Variants in BTD observed in about 807,000 individuals in gnomAD.
BTD encodes the protein biotinidase, also known as biocytinase.
BTD carries 13 observed loss-of-function variants against 17.7 expected under a neutral mutation model. The observed-to-expected ratio is 0.74, with a 90% CI of 0.48 to 1.17. The LOEUF (loss-of-function observed/expected upper bound fraction) is 1.17. Among genes scored for constraint, BTD ranks in the 50% most tolerant of loss-of-function variants. BTD has a pLI of 0.00. For missense variants in BTD, 674 were observed against 650.4 expected, an observed-to-expected ratio of 1.04 and a Z score of -0.39; for synonymous variants, 240 against 245.2, an observed-to-expected ratio of 0.98 and a Z score of 0.20.
At chr3:15,661,283 AAAAAAAAAAAG>A (rs1223278924) in intron 3 of BTD, among the ~76,000 whole-genome samples, 31 of 59,330 alleles carry the variant, frequency 5.2e-4, no homozygotes, top group East Asian at 2.0e-3. Context: ...AAAAAAAAAA[AAAAAAAAAAAG>A]AAAAAGAAAA....
downstream of BTD, chr3:15,714,551 CAA>C (rs375073303): frequency 9.8e-6 from 11 of 1,119,976 alleles, no homozygotes; most frequent in African/African-American, 1.2e-4. Flanking sequence ...AAAAAAACCC[CAA>C]AAAAAAAACA....
chr3:15,709,100 T>C (rs1204730227), intron 3 of BTD, among the ~76,000 whole-genome samples: 1 of 152,216 alleles, frequency 6.6e-6, no homozygotes. Context: ...TGAGGCCTGC[T>C]GAATGACTAC....
rs1451575315 is a variant in BTD, at chr3:15,652,176, A to C, written c.*6688A>C. Among the ~76,000 whole-genome samples, 1 of 152,104 alleles carries C rather than the reference A, an allele frequency of 6.6e-6. No individual in the cohort carries two copies. The highest frequency in any genetic ancestry group is 2.4e-5 in the African/African-American group (1 of 41,392). On this transcript the variant is annotated 3_prime_UTR_variant, in exon 4 of 4. Transcript: ENST00000643237. ...ACCCTGTCTCTATTGAAAATACAAA[A>C]ATTAGCCGGCATGGTGGCACACGCC...
At chr3:15,656,137 A>T (rs2062821), downstream of BTD, among the ~76,000 whole-genome samples, 68,768 of 151,730 alleles carry the variant, frequency 0.45, 18,136 homozygotes, top group Middle Eastern at 0.57. Flanking sequence ...AGATACAATG[A>T]ATTTCTCTGA....
At chr3:15,689,956 C>A in intron 3 of BTD, 4 of 1,351,990 alleles carry the variant, frequency 3.0e-6, no homozygotes, top group Admixed American at 2.7e-5. Flanking sequence ...TATTATATAT[C>A]AGAAATTGAA....
intron 1 of BTD, among the ~76,000 whole-genome samples, chr3:15,603,653 T>A (rs2064351723): frequency 6.6e-6 from 1 of 151,884 alleles, no homozygotes; most frequent in East Asian, 1.9e-4. Context: ...CGAGACTCCG[T>A]CTCAAAAAAA....
At chr3:15,721,915 T>G (rs1049122405) in exon 5 of BTD, among the ~76,000 whole-genome samples, 1 of 152,064 alleles carries the variant, frequency 6.6e-6, no homozygotes, top group African/African-American at 2.4e-5. Context: ...CTGGCTAATA[T>G]TTGTATTTTA....
At chr3:15,689,976 T>C in intron 3 of BTD, 1 of 1,462,788 alleles carries the variant, frequency 6.8e-7, no homozygotes, top group Non-Finnish European at 9.2e-7. Context: ...AAAAAAGTAT[T>C]GGATAGAAGT....
chr3:15,610,042 A>G lies in BTD; in HGVS notation c.-17+8148A>G, dbSNP rs191197763. ...GATTTTTGTTTGTTGAGAAGTAAGA[A>G]TCCATATAATATGTCAATTAGATTT... On this transcript the variant is annotated intron_variant, in intron 1 of 3. Coordinates refer to ENST00000643237, the MANE Select transcript of BTD (RefSeq NM_001370658.1). Among the ~76,000 whole-genome samples the G allele has an allele frequency of 1.5e-4, 22 of 148,976 alleles. No homozygotes were observed. In the East Asian group the frequency reaches 4.0e-3, roughly 27 times the overall value.
At chr3:15,714,966 G>GA (rs1162654774), downstream of BTD, among the ~76,000 whole-genome samples, 4 of 152,100 alleles carry the variant, frequency 2.6e-5, no homozygotes, top group African/African-American at 9.7e-5. Context: ...TCCATTCTAA[G>GA]AAATTCTGAA....
chr3:15,718,618 C>T (rs1412732349), intron 4 of BTD, among the ~76,000 whole-genome samples: 1 of 152,102 alleles, frequency 6.6e-6, no homozygotes, highest in African/African-American at 2.4e-5. Context: ...AATATTCATG[C>T]CAAAATGGCA....
At chr3:15,654,674 C>G (rs374862361), downstream of BTD, among the ~76,000 whole-genome samples, 4 of 151,852 alleles carry the variant, frequency 2.6e-5, no homozygotes, top group Admixed American at 2.6e-4. Flanking sequence ...CGGGTTCAAG[C>G]GATTCTCCTT....
intron 3 of BTD, chr3:15,696,251 TACAACA>T: frequency 6.6e-7 from 1 of 1,507,000 alleles, no homozygotes; most frequent in Non-Finnish European, 9.1e-7. Flanking sequence ...GGCACCTATA[TACAACA>T]ACAACAACAT....
At chr3:15,660,287 T>TG (rs1277893271) in intron 3 of BTD, among the ~76,000 whole-genome samples, 1 of 152,248 alleles carries the variant, frequency 6.6e-6, no homozygotes, top group Non-Finnish European at 1.5e-5. Context: ...GTGGCAATAC[T>TG]GTCCCAGCCA....
At chr3:15,700,859 CA>C (rs2070478057) in intron 3 of BTD, among the ~76,000 whole-genome samples, 1 of 152,068 alleles carries the variant, frequency 6.6e-6, no homozygotes, top group South Asian at 2.1e-4. Context: ...GCACTGGTAC[CA>C]GTGATCTTGG....
At position 15,649,409 on chromosome 3, in the gene BTD, G is replaced by C. The variant is rs2065764031; in HGVS notation, c.*3921G>C. Among the ~76,000 whole-genome samples the C allele has an allele frequency of 6.6e-6, 1 of 152,234 alleles. No individual in the cohort carries two copies. The highest frequency in any genetic ancestry group is 6.5e-5 in the Admixed American group (1 of 15,290). On this transcript the variant is annotated 3_prime_UTR_variant, in exon 4 of 4. Coordinates refer to ENST00000643237, the MANE Select transcript of BTD (RefSeq NM_001370658.1). The stretch of plus-strand genomic sequence containing the variant: ...CTCCCTATGGAAAGAGACAGAGGGT[G>C]TTAGATGCCCAGAGGTGAACCTCAT...
At chr3:15,629,132 C>T (rs1031940323) in intron 1 of BTD, among the ~76,000 whole-genome samples, 2 of 152,236 alleles carry the variant, frequency 1.3e-5, no homozygotes, top group East Asian at 3.9e-4. Flanking sequence ...ATTCCATCAG[C>T]CCTATTGGAG....
At chr3:15,695,178 T>C in intron 3 of BTD, 2 of 1,591,710 alleles carry the variant, frequency 1.3e-6, no homozygotes, top group African/African-American at 1.3e-5. Context: ...GGGAATTGAC[T>C]AATACTTACA....
intron 1 of BTD, among the ~76,000 whole-genome samples, chr3:15,605,763 G>C (rs1230536545): frequency 2.6e-5 from 4 of 152,096 alleles, no homozygotes; most frequent in African/African-American, 9.7e-5. Flanking sequence ...TGTGAAACGG[G>C]CTGGGCACAA....
Sources: allele counts gnomAD v4.1 joint callset (sites outside exome capture counted in the v4.1 genomes callset), GRCh38; gene constraint gnomAD v4.1.1; transcripts MANE v1.5; gene names NCBI Gene and HGNC (gene_info 2026-07-23, HGNC 2026-07-21).